Variants in NRK observed in about 807,000 individuals in gnomAD.
NRK encodes the protein Nik related kinase.
NRK carries 67 observed loss-of-function variants against 125.2 expected under a neutral mutation model. That is an observed-to-expected ratio of 0.54 (90% CI 0.44 to 0.66). The LOEUF is 0.66. NRK is among the 30% of genes least tolerant of loss of function. NRK has a pLI of 0.00. For missense variants in NRK, 1,224 were observed against 1,192.9 expected (o/e 1.03, Z -0.38); for synonymous variants, 458 against 429.0 (o/e 1.07, Z -0.84).
chrX:105,929,566 G>T (rs1477685154), intron 19 of NRK, among the ~76,000 whole-genome samples: 1 of 110,393 alleles, frequency 9.1e-6, no homozygotes, highest in Non-Finnish European at 1.9e-5. Context: ...ATTGTTTCTG[G>T]TTTTGTGTAT....
At chrX:105,886,568 C>T (rs2039949372) in intron 4 of NRK, among the ~76,000 whole-genome samples, 1 of 102,787 alleles carries the variant, frequency 9.7e-6, no homozygotes, top group African/African-American at 3.5e-5. Context: ...TATCATTATG[C>T]ATTTATCTCT....
rs1210009674 is a variant in NRK at position 105,923,414 on chromosome X, T to C, written c.2907T>C (p.His969=). The C allele has an allele frequency of 7.9e-6, 9 of 1,140,979 alleles. No individual in the cohort carries two copies. Among genetic ancestry groups the C allele is most frequent in the Non-Finnish European group, 9.4e-6 (8 of 851,140 alleles). 94.0% of individuals were successfully genotyped at this position (1,140,979 alleles called of 1,213,427 possible). ...VDQANDVCKD[H]DDDNNKFVDD... ...AGGCTAATGATGTTTGTAAAGACCA[T>C]GATGATGACAACAATAAGTTTGTTG... Residue 969 remains histidine (H), a synonymous_variant, in exon 18 of 29, where the codon CAT becomes CAC. Coordinates refer to ENST00000243300, the MANE Select transcript of NRK (RefSeq NM_198465.4).
chrX:105,884,863 G>A (rs1057077082), intron 4 of NRK, among the ~76,000 whole-genome samples: 4 of 112,257 alleles, frequency 3.6e-5, no homozygotes, highest in African/African-American at 1.3e-4. Flanking sequence ...CTAGTGTGCA[G>A]TGGCACAATC....
chrX:105,862,633 T>C (rs1317945787), intron 2 of NRK, among the ~76,000 whole-genome samples: 1 of 112,298 alleles, frequency 8.9e-6, no homozygotes, highest in Non-Finnish European at 1.9e-5. Context: ...AACAAAATAT[T>C]TTGGTACTAT....
intron 2 of NRK, among the ~76,000 whole-genome samples, chrX:105,842,059 T>C (rs2039337087): frequency 9.0e-6 from 1 of 111,207 alleles, no homozygotes; most frequent in East Asian, 2.8e-4. Context: ...TATATTCAGC[T>C]CAACAGATAT....
chrX:105,871,579 T>C (rs148291004), intron 2 of NRK, among the ~76,000 whole-genome samples: 146 of 111,479 alleles, frequency 1.3e-3, no homozygotes, highest in African/African-American at 4.6e-3. Context: ...TCAGCACATA[T>C]GTGCTGAGTG....
rs777399639 is a variant in NRK at position 105,949,730 on chromosome X, T to A, written c.4509T>A (p.Ser1503=). 6.1e-6 allele frequency: 7 copies of A among 1,154,469 alleles called. No individual in the cohort carries two copies. The highest frequency in any genetic ancestry group is 1.2e-6 in the Non-Finnish European group (1 of 851,484). ...AAATGTGGAAAGACATACCATCTTCTATAGGTATGTATACAATTTATTTCT... is the reference window on the plus strand; with the variant it reads ...AAATGTGGAAAGACATACCATCTTCAATAGGTATGTATACAATTTATTTCT... ...ILEMWKDIPS[S]IAFECTQRTT... is the part of the protein sequence containing the mutation. Residue 1503 remains serine, a synonymous_variant, in exon 27 of 29, where the codon TCT becomes TCA. Transcript: ENST00000243300.
chrX:105,838,050 C>T (rs951610763), intron 2 of NRK, among the ~76,000 whole-genome samples: 3 of 110,767 alleles, frequency 2.7e-5, no homozygotes, highest in Non-Finnish European at 5.7e-5. Context: ...AATCTCCAGG[C>T]TTTCTTCTGG....
At chrX:105,878,404 C>G (rs1464687460) in intron 2 of NRK, among the ~76,000 whole-genome samples, 2 of 110,879 alleles carry the variant, frequency 1.8e-5, no homozygotes, top group Non-Finnish European at 3.8e-5. Context: ...ACAGGCTGCC[C>G]CAATTAAGAC....
Position 105,947,960 on chromosome X carries a change from A to G in NRK, c.4353+1496A>G, listed in dbSNP as rs182616302. The stretch of plus-strand genomic sequence containing the variant: ...ATAGAAATCACACTGTTGATAATGT[A>G]TAAAATACTGAACCAATCTTAGCCA... On this transcript the variant is annotated intron_variant, in intron 26 of 28. Coordinates refer to ENST00000243300, the MANE Select transcript of NRK (RefSeq NM_198465.4). Among the ~76,000 whole-genome samples the G allele has an allele frequency of 5.3e-4, 59 of 112,334 alleles. 1 individual carries two copies. Among genetic ancestry groups the G allele is most frequent in the African/African-American group, 1.9e-3 (58 of 31,005 alleles).
rs2039887525 is a variant in NRK at position 105,881,788 on chromosome X, T to C, written c.252+9T>C. ...TTGGGTGGAGATACAGTGTGAGTAC[T>C]AAAAGTTCTCATTAATACCCAAGTA... is the stretch of plus-strand genomic sequence containing the variant. On this transcript the variant is annotated intron_variant, in intron 4 of 28. Transcript: ENST00000243300. 9.8e-7 allele frequency: 1 copy of C among 1,025,078 alleles called. No homozygotes were observed. The highest frequency in any genetic ancestry group is 1.3e-6 in the Non-Finnish European group (1 of 743,561). 84.5% of individuals were successfully genotyped at this position (1,025,078 alleles called of 1,213,427 possible).
chrX:105,895,277 A>G (rs2040066849), intron 6 of NRK, 156 bp from the exon 7 acceptor site: 2 of 539,483 alleles, frequency 3.7e-6, no homozygotes, highest in African/African-American at 2.3e-5. Context: ...TAGTGATTCC[A>G]GCCTAAAGAA....
chrX:105,952,594 T>C (rs780726059), intron 27 of NRK, among the ~76,000 whole-genome samples: 1 of 112,054 alleles, frequency 8.9e-6, no homozygotes, highest in Non-Finnish European at 1.9e-5. Flanking sequence ...TTAACTATTT[T>C]AATTTTTGAG....
intron 2 of NRK, among the ~76,000 whole-genome samples, chrX:105,851,359 C>T (rs7066733): frequency 0.12 from 12,820 of 111,350 alleles, 1,811 homozygotes; most frequent in African/African-American, 0.4. Flanking sequence ...GAAAAAATTA[C>T]GCATATGTAT....
chrX:105,948,380 A>AG (rs1164006591), intron 26 of NRK: 2 of 189,929 alleles, frequency 1.1e-5, no homozygotes, highest in Admixed American at 7.7e-5. Context: ...AATATCAGGG[A>AG]GGGGGGTGTC....
At chrX:105,875,650 A>AT (rs1041014469) in intron 2 of NRK, among the ~76,000 whole-genome samples, 8 of 109,483 alleles carry the variant, frequency 7.3e-5, no homozygotes, top group African/African-American at 2.3e-4. Flanking sequence ...ATTATTATTT[A>AT]TTATTATTAT....
intron 2 of NRK, among the ~76,000 whole-genome samples, chrX:105,858,331 T>G (rs1463411038): frequency 1.8e-5 from 2 of 109,839 alleles, no homozygotes; most frequent in African/African-American, 6.6e-5. Context: ...ATTTTACTGA[T>G]GTAAATTGTA....
At chrX:105,829,550 A>T in intron 1 of NRK, among the ~76,000 whole-genome samples, 1 of 112,001 alleles carries the variant, frequency 8.9e-6, no homozygotes, top group Non-Finnish European at 1.9e-5. Flanking sequence ...AGGCTGCTAG[A>T]CTAAAAGTTC....
chrX:105,889,939 T>G (rs761188992), intron 5 of NRK, among the ~76,000 whole-genome samples: 1 of 112,489 alleles, frequency 8.9e-6, no homozygotes, highest in African/African-American at 3.2e-5. Context: ...ATTGTCTTGG[T>G]GATTAACGTT....
Sources: allele counts gnomAD v4.1 joint callset (sites outside exome capture counted in the v4.1 genomes callset), GRCh38; gene constraint gnomAD v4.1.1; transcripts MANE v1.5; gene names NCBI Gene and HGNC (gene_info 2026-07-23, HGNC 2026-07-21).